Variants in H6PD observed in about 807,000 individuals in gnomAD.
The protein encoded by H6PD is GDH/6PGL endoplasmic bifunctional protein.
A neutral mutation model predicts 61.2 loss-of-function variants in H6PD; 48 were observed. The ratio of observed to expected loss-of-function variants is 0.78; its 90% CI spans 0.62 to 1.00. The LOEUF (loss-of-function observed/expected upper bound fraction) is 1.00. Among genes scored for constraint, H6PD ranks in the 50% least tolerant of loss-of-function variants. The pLI is 0.00. For synonymous variants in H6PD, 480 were observed against 457.9 expected (o/e 1.05, Z -0.62); for missense variants, 1,093 against 1,065.0 (o/e 1.03, Z -0.37).
rs1276720294 is a variant in H6PD, at chr1:9,269,354, A to G, written c.*4485A>G. 1 of 152,262 alleles carries G rather than the reference A, an allele frequency of 6.6e-6. No homozygotes were observed. The highest frequency in any genetic ancestry group is 6.5e-5 in the Admixed American group (1 of 15,290). 9.4% of individuals were successfully genotyped at this position (152,262 alleles called of 1,614,324 possible). A position where few individuals can be genotyped will look rare whatever the true frequency, so the allele number is the denominator to read the frequency against. Reference sequence around the variant, plus strand: ...CTGTTTGCATTGTACATAGGAAGGAAGGAAGTTCTTCCAGCCTCACCAGCA... The same window carrying G: ...CTGTTTGCATTGTACATAGGAAGGAGGGAAGTTCTTCCAGCCTCACCAGCA... On this transcript the variant is annotated 3_prime_UTR_variant, in exon 5 of 5. Coordinates refer to ENST00000377403, the MANE Select transcript of H6PD (RefSeq NM_004285.4). The surrounding 1 kb of genome is among the most constrained non-coding windows in gnomAD (Gnocchi z 4.3).
rs1476036353 is a variant in H6PD, at chr1:9,270,722, T to C, written c.*5853T>C. 2.0e-5 allele frequency: 3 copies of C among 152,548 alleles called. No homozygotes were observed. The East Asian group carries it at 5.8e-4, about 29-fold the overall frequency. The allele number at this position is 152,548 out of a possible 1,614,324, so 9.4% of individuals were successfully genotyped here. ...GCCTGCTGCATCTGGATCATGTTTC[T>C]GTGCTCTGCCCCGCGCTAGGGACTC... On this transcript the variant is annotated 3_prime_UTR_variant, in exon 5 of 5. Transcript: ENST00000377403.
rs1641447947 is a variant in H6PD at position 9,254,145 on chromosome 1, C to T, written c.745+7062C>T. Among the ~76,000 whole-genome samples the T allele has an allele frequency of 6.6e-6, 1 of 152,156 alleles. No individual in the cohort carries two copies. The highest frequency in any genetic ancestry group is 1.9e-4 in the East Asian group (1 of 5,194). On this transcript the variant is annotated intron_variant, in intron 3 of 4. Transcript: ENST00000377403. This position sits in a 1 kb window ranked among gnomAD's most constrained non-coding sequence, Gnocchi z 4.6. ...CCGAGACGGGTGGATCACTTGAGGT[C>T]AGGCGTTCAAGACCAGCCTGGTCAA...
chr1:9,253,781 C>A (rs895361148), intron 3 of H6PD, among the ~76,000 whole-genome samples: 8 of 152,198 alleles, frequency 5.3e-5, no homozygotes, highest in Admixed American at 5.2e-4. Flanking sequence ...CATGAAATAC[C>A]AACTGTGTTT....
chr1:9,246,103 C>T (rs566054816), intron 2 of H6PD, among the ~76,000 whole-genome samples: 7 of 151,988 alleles, frequency 4.6e-5, no homozygotes, highest in East Asian at 1.9e-4. Flanking sequence ...TCACCATGCC[C>T]GGCTAATTTT....
intron 1 of H6PD, among the ~76,000 whole-genome samples, chr1:9,242,345 A>G (rs1641022391): frequency 7.0e-6 from 1 of 143,414 alleles, no homozygotes; most frequent in South Asian, 2.2e-4. Flanking sequence ...TTAAAAAAAC[A>G]TAAAAAAAAA....
At position 9,245,545 on chromosome 1, in the gene H6PD, ATTAC is replaced by A. The variant is rs777494312; in HGVS notation, c.615_618del (p.Tyr205Ter). 6.2e-6 allele frequency: 10 copies of A among 1,614,140 alleles called. No homozygotes were observed. In the East Asian group the frequency reaches 2.0e-4, roughly 32 times the overall value. On this transcript the variant is annotated frameshift_variant, in exon 2 of 5. Transcript: ENST00000377403. LOFTEE classifies it high-confidence loss of function. The surrounding 1 kb of genome is among the most constrained non-coding windows in gnomAD (Gnocchi z 4.8). The stretch of plus-strand genomic sequence containing the variant: ...GAGGAGGAGATGTACCGGGTGGACC[ATTAC>A]TTAGGCAAGCAGGTGAGCATCAGCA...
chr1:9,241,378 T>C (rs1197573280), intron 1 of H6PD, among the ~76,000 whole-genome samples: 20 of 151,368 alleles, frequency 1.3e-4, no homozygotes, highest in Admixed American at 1.3e-3. Flanking sequence ...TCTCCCTGAT[T>C]TAATTAGCTG....
In H6PD at chr1:9,254,840, G is replaced by A. The variant is rs935528203; in HGVS notation, c.746-7219G>A. 6.6e-6 allele frequency among the ~76,000 whole-genome samples: 1 copy of A among 152,142 alleles called. No homozygotes were observed. Among genetic ancestry groups the A allele is most frequent in the Admixed American group, 6.5e-5 (1 of 15,274 alleles). ...TGTTCATCACGGCAAAGGAAGCCCTGTACCCCTTCGTTGTCATCCCACAAT... is the reference window on the plus strand; with the variant it reads ...TGTTCATCACGGCAAAGGAAGCCCTATACCCCTTCGTTGTCATCCCACAAT... On this transcript the variant is annotated intron_variant, in intron 3 of 4. Coordinates refer to ENST00000377403, the MANE Select transcript of H6PD (RefSeq NM_004285.4). The surrounding 1 kb of genome is among the most constrained non-coding windows in gnomAD (Gnocchi z 4.6).
intron 3 of H6PD, 46 bp from the exon 4 acceptor site, chr1:9,262,013 T>C: frequency 6.2e-7 from 1 of 1,602,254 alleles, no homozygotes. Context: ...TCTGATGTTC[T>C]GGCCTCTCTT....
intron 3 of H6PD, among the ~76,000 whole-genome samples, chr1:9,256,664 G>A (rs2100366432): frequency 6.6e-6 from 1 of 152,218 alleles, no homozygotes; most frequent in South Asian, 2.1e-4. Flanking sequence ...CTTTTTGTCT[G>A]TTGGAATTAA....
rs1342047153 is a variant in H6PD at position 9,234,807 on chromosome 1, G to A, written c.-270G>A. On this transcript the variant is annotated 5_prime_UTR_variant, in exon 1 of 5. Transcript: ENST00000377403. ...TGAGCGCAAGGCGGTGGAGGCCTGAGGCCTGAGGCCTGGGGCGGGGTGGCG... is the reference window on the plus strand; with the variant it reads ...TGAGCGCAAGGCGGTGGAGGCCTGAAGCCTGAGGCCTGGGGCGGGGTGGCG... The A allele has an allele frequency of 4.7e-5, 7 of 147,546 alleles. No homozygotes were observed. The highest frequency in any genetic ancestry group is 4.1e-4 in the South Asian group (2 of 4,826). 9.1% of individuals were successfully genotyped at this position (147,546 alleles called of 1,614,324 possible). A position where few individuals can be genotyped will look rare whatever the true frequency, so the allele number is the denominator to read the frequency against.
At chr1:9,260,926 T>A (rs1375743801) in intron 3 of H6PD, among the ~76,000 whole-genome samples, 1 of 151,958 alleles carries the variant, frequency 6.6e-6, no homozygotes, top group Non-Finnish European at 1.5e-5. Flanking sequence ...CCACTGCCCA[T>A]CCCTCTGCTC....
chr1:9,249,614 C>T (rs1440079023), intron 3 of H6PD, among the ~76,000 whole-genome samples: 1 of 152,194 alleles, frequency 6.6e-6, no homozygotes, highest in Non-Finnish European at 1.5e-5. Context: ...GGCCCTGTAC[C>T]TTCAGCCCAG....
At chr1:9,261,995 C>G in intron 3 of H6PD, 64 bp from the exon 4 acceptor site, 1 of 1,544,336 alleles carries the variant, frequency 6.5e-7, no homozygotes, top group Non-Finnish European at 8.9e-7. Context: ...TGGTGCACCT[C>G]GGGGAGATCT....
intron 3 of H6PD, among the ~76,000 whole-genome samples, chr1:9,259,534 T>G (rs1406928324): frequency 6.6e-6 from 1 of 151,680 alleles, no homozygotes; most frequent in Admixed American, 6.6e-5. Flanking sequence ...TGGTGTTATG[T>G]GGTTGTTACA....
intron 4 of H6PD, 49 bp from the exon 5 acceptor site, chr1:9,263,460 A>G (rs756889821): frequency 5.2e-5 from 82 of 1,585,922 alleles, no homozygotes; most frequent in Non-Finnish European, 6.2e-5. Flanking sequence ...CTGGCCGGAG[A>G]GTCCTGGTCT....
rs1436222970 is a variant in H6PD, at chr1:9,246,919, C to A, written c.628-47C>A. On this transcript the variant is annotated intron_variant, in intron 2 of 4. Transcript: ENST00000377403. ...TTCCCGGGAGTCAGGGTTCCTCCTT[C>A]ATCGTGAGAGTATCCTGCAGCACGC... 10 of 1,336,824 alleles carry A rather than the reference C, an allele frequency of 7.5e-6. No individual in the cohort carries two copies. In the Admixed American group the frequency reaches 1.0e-4, roughly 13 times the overall value. The allele number at this position is 1,336,824 out of a possible 1,614,324, so 82.8% of individuals were successfully genotyped here.
chr1:9,261,943 C>G (rs1000477485), intron 3 of H6PD, 116 bp from the exon 4 acceptor site: 4 of 1,049,140 alleles, frequency 3.8e-6, no homozygotes, highest in African/African-American at 3.1e-5. Flanking sequence ...GCCCTGTGGA[C>G]TGGGGGAAGA....
At chr1:9,236,018 GGTTA>G (rs992113487) in intron 1 of H6PD, among the ~76,000 whole-genome samples, 1 of 152,138 alleles carries the variant, frequency 6.6e-6, no homozygotes, top group African/African-American at 2.4e-5. Context: ...TGTGGTTGAT[GGTTA>G]GTTGTTGCCC....
Sources: allele counts gnomAD v4.1 joint callset (sites outside exome capture counted in the v4.1 genomes callset), GRCh38; gene constraint gnomAD v4.1.1; non-coding constraint Gnocchi (gnomAD v3.1); transcripts MANE v1.5; gene names NCBI Gene and HGNC (gene_info 2026-07-23, HGNC 2026-07-21).